EEFSEC: variants seen among roughly 807,000 people sequenced by gnomAD.
EEFSEC encodes eukaryotic elongation factor, selenocysteine-tRNA specific, also known as selenocysteine-specific elongation factor.
EEFSEC carries 43 observed loss-of-function variants against 42.1 expected under a neutral mutation model. The ratio of observed to expected loss-of-function variants is 1.02; its 90% CI spans 0.80 to 1.32. EEFSEC has a LOEUF of 1.32. Ranked by LOEUF, EEFSEC falls within the 40% of genes most tolerant of loss-of-function variation. The pLI, the probability that EEFSEC is intolerant of heterozygous loss-of-function variation, is 0.00. For synonymous variants in EEFSEC, 354 were observed against 339.1 expected (o/e 1.04, Z -0.48); for missense variants, 745 against 803.6 (o/e 0.93, Z 0.88).
chr3:128,301,752 A>T (rs1438630337), intron 4 of EEFSEC, among the ~76,000 whole-genome samples: 1 of 152,252 alleles, frequency 6.6e-6, no homozygotes, highest in East Asian at 1.9e-4. Flanking sequence ...GAGCCTGGGA[A>T]TGGGGCAGGA....
chr3:128,383,067 A>C, intron 6 of EEFSEC, among the ~76,000 whole-genome samples: 1 of 151,332 alleles, frequency 6.6e-6, no homozygotes, highest in Non-Finnish European at 1.5e-5. Context: ...CTCAGATCTC[A>C]TTGCCTCTGA....
At chr3:128,156,309 C>A (rs1456486795) in intron 1 of EEFSEC, among the ~76,000 whole-genome samples, 2 of 152,134 alleles carry the variant, frequency 1.3e-5, no homozygotes, top group African/African-American at 4.8e-5. Flanking sequence ...GTGGTGGTTA[C>A]CATTTAATAG....
At chr3:128,383,053 G>C (rs2067796185) in intron 6 of EEFSEC, among the ~76,000 whole-genome samples, 2 of 151,992 alleles carry the variant, frequency 1.3e-5, no homozygotes, top group Non-Finnish European at 2.9e-5. Context: ...CCTGCCCCCA[G>C]TTCCTCAGAT....
intron 1 of EEFSEC, among the ~76,000 whole-genome samples, chr3:128,244,329 T>G (rs1274840259): frequency 6.6e-6 from 1 of 152,084 alleles, no homozygotes; most frequent in Non-Finnish European, 1.5e-5. Flanking sequence ...GAGGGAGGCA[T>G]GAGTGTCATG....
At chr3:128,243,699 C>A (rs1172679762) in intron 1 of EEFSEC, among the ~76,000 whole-genome samples, 1 of 151,592 alleles carries the variant, frequency 6.6e-6, no homozygotes, top group Non-Finnish European at 1.5e-5. Flanking sequence ...GGAGCAGGGG[C>A]AAAGGCAAGG....
At chr3:128,371,665 C>T (rs538384948) in intron 6 of EEFSEC, among the ~76,000 whole-genome samples, 228 of 152,286 alleles carry the variant, frequency 1.5e-3, no homozygotes, top group Middle Eastern at 3.4e-3. Flanking sequence ...GGGCAGGATG[C>T]ACCCCAGAAC....
At chr3:128,368,803 C>G (rs77406712) in intron 6 of EEFSEC, among the ~76,000 whole-genome samples, 2,824 of 152,334 alleles carry the variant, frequency 0.019, 95 homozygotes, top group African/African-American at 0.063. Flanking sequence ...GCTGCCAGCC[C>G]CTTCCCTCAT....
At chr3:128,306,183 A>T (rs2066824767) in intron 4 of EEFSEC, among the ~76,000 whole-genome samples, 1 of 152,116 alleles carries the variant, frequency 6.6e-6, no homozygotes, top group African/African-American at 2.4e-5. Context: ...CTAATATATG[A>T]TTTTGTAAAT....
intron 1 of EEFSEC, among the ~76,000 whole-genome samples, chr3:128,224,106 A>G (rs1465184212): frequency 6.6e-6 from 1 of 152,142 alleles, no homozygotes; most frequent in African/African-American, 2.4e-5. Context: ...AGAGCTAAAA[A>G]TGGTTCTACA....
At chr3:128,259,203 A>G (rs1357537397) in intron 2 of EEFSEC, among the ~76,000 whole-genome samples, 2 of 152,186 alleles carry the variant, frequency 1.3e-5, no homozygotes, top group African/African-American at 4.8e-5. Flanking sequence ...GCTAGACTAT[A>G]TACAGAGAAG....
At chr3:128,363,399 G>A (rs978792687) in intron 6 of EEFSEC, among the ~76,000 whole-genome samples, 2 of 152,210 alleles carry the variant, frequency 1.3e-5, no homozygotes, top group Non-Finnish European at 2.9e-5. Context: ...CACTCTGCTC[G>A]AGACTCCCCA....
intron 1 of EEFSEC, among the ~76,000 whole-genome samples, chr3:128,198,248 C>G (rs909272808): frequency 1.3e-5 from 2 of 152,178 alleles, no homozygotes; most frequent in Non-Finnish European, 2.9e-5. Context: ...AGTGGAGTGC[C>G]TCCGTTCCAT....
At chr3:128,377,449 C>T (rs191079311) in intron 6 of EEFSEC, among the ~76,000 whole-genome samples, 18 of 152,232 alleles carry the variant, frequency 1.2e-4, no homozygotes, top group Non-Finnish European at 1.5e-4. Flanking sequence ...AAATGGATAC[C>T]GAATGTGCCC....
At chr3:128,337,250 C>T (rs1201657493) in intron 4 of EEFSEC, among the ~76,000 whole-genome samples, 1 of 152,180 alleles carries the variant, frequency 6.6e-6, no homozygotes, top group Non-Finnish European at 1.5e-5. Flanking sequence ...GCTGCCCTGT[C>T]CCCATCTTTA....
chr3:128,389,567 C>A (rs2067883055), intron 6 of EEFSEC, among the ~76,000 whole-genome samples: 2 of 152,272 alleles, frequency 1.3e-5, no homozygotes, highest in Admixed American at 1.3e-4. Context: ...CCCTGACCAT[C>A]CTTGAGCCCA....
chr3:128,254,065 G>A (rs143301690), intron 2 of EEFSEC, among the ~76,000 whole-genome samples: 3 of 152,350 alleles, frequency 2.0e-5, no homozygotes, highest in Admixed American at 1.3e-4. Context: ...CCTCCCAACT[G>A]AGGAGCTTCC....
At chr3:128,177,672 C>T (rs944530927) in intron 1 of EEFSEC, among the ~76,000 whole-genome samples, 1 of 152,138 alleles carries the variant, frequency 6.6e-6, no homozygotes, top group Non-Finnish European at 1.5e-5. Flanking sequence ...TCATTAAACT[C>T]CAAAGAATCT....
chr3:128,165,702 A>C (rs1402182075), intron 1 of EEFSEC, among the ~76,000 whole-genome samples: 1 of 152,252 alleles, frequency 6.6e-6, no homozygotes, highest in Non-Finnish European at 1.5e-5. Context: ...TGCCATGCAC[A>C]GGTGCTGCTT....
At chr3:128,425,640 G>A in the EEFSEC span, among the ~76,000 whole-genome samples, 1 of 152,202 alleles carries the variant, frequency 6.6e-6, no homozygotes, top group Non-Finnish European at 1.5e-5. Flanking sequence ...TTCCCATCGG[G>A]CACCCACCCA....
Sources: allele counts gnomAD v4.1 joint callset (sites outside exome capture counted in the v4.1 genomes callset), GRCh38; gene constraint gnomAD v4.1.1; transcripts MANE v1.5; gene names NCBI Gene and HGNC (gene_info 2026-07-23, HGNC 2026-07-21).